AGPS: variants seen among roughly 807,000 people sequenced by gnomAD.
AGPS encodes alkylglycerone phosphate synthase.
In AGPS, 26 loss-of-function variants were observed where a neutral mutation model predicts 90.7. The ratio of observed to expected loss-of-function variants is 0.29; its 90% confidence interval spans 0.21 to 0.40. The LOEUF is 0.40. Ranked by LOEUF, AGPS falls within the 10% of genes least tolerant of loss-of-function variation. The probability of loss-of-function intolerance (pLI) is 1.00; values close to 1 mark genes in which losing one functional copy is unlikely to be tolerated. For missense variants in AGPS, 540 were observed against 816.1 expected, an observed-to-expected ratio of 0.66 and a Z score of 4.12; for synonymous variants, 294 against 285.3, an observed-to-expected ratio of 1.03 and a Z score of -0.31.
At chr2:177,410,379 C>T (rs185280332) in intron 1 of AGPS, among the ~76,000 whole-genome samples, 1 of 152,244 alleles carries the variant, frequency 6.6e-6, no homozygotes, top group African/African-American at 2.4e-5. Flanking sequence ...TAGGTGTTCC[C>T]TCGGAAGTTA....
At chr2:177,394,329 A>T (rs749678277) in intron 1 of AGPS, among the ~76,000 whole-genome samples, 1 of 152,240 alleles carries the variant, frequency 6.6e-6, no homozygotes, top group Non-Finnish European at 1.5e-5. Context: ...TAGTGCAAAG[A>T]TGTTCCAAAG....
rs1041824369 is a variant in AGPS at position 177,417,290 on chromosome 2, A to G, written c.261-2979A>G. Among the ~76,000 whole-genome samples the G allele has an allele frequency of 4.6e-5, 7 of 152,346 alleles. No homozygotes were observed. In the Middle Eastern group the frequency reaches 0.01, roughly 222 times the overall value. On this transcript the variant is annotated intron_variant, in intron 1 of 19. Transcript: ENST00000264167. The stretch of plus-strand genomic sequence containing the variant: ...TGCACAAAACCATTAAAAATATTGT[A>G]TAAAATTACCTTCAGGCTATGTGAT...
intron 2 of AGPS, among the ~76,000 whole-genome samples, chr2:177,434,023 T>TG (rs1686324221): frequency 1.3e-5 from 2 of 152,314 alleles, no homozygotes; most frequent in African/African-American, 4.8e-5. Context: ...AGCTGGGGCC[T>TG]GCCATAAGGC....
intron 1 of AGPS, among the ~76,000 whole-genome samples, chr2:177,396,988 G>C (rs1685196862): frequency 1.4e-5 from 2 of 143,718 alleles, no homozygotes; most frequent in South Asian, 4.4e-4. Context: ...TCCCAGGCTA[G>C]AGTGAAGTGG....
chr2:177,467,885 A>C (rs190414102), intron 9 of AGPS, among the ~76,000 whole-genome samples: 11 of 152,170 alleles, frequency 7.2e-5, no homozygotes, highest in Admixed American at 1.3e-4. Context: ...TCCTTCTCTT[A>C]AGTTCAGTCA....
chr2:177,480,188 T>TA (rs1574402765), intron 10 of AGPS, among the ~76,000 whole-genome samples: 3 of 151,746 alleles, frequency 2.0e-5, no homozygotes, highest in South Asian at 2.1e-4. Context: ...CTCAAAAATT[T>TA]TAAAAAAATA....
At chr2:177,405,680 T>TC (rs1264663848) in intron 1 of AGPS, among the ~76,000 whole-genome samples, 1 of 151,390 alleles carries the variant, frequency 6.6e-6, no homozygotes, top group Non-Finnish European at 1.5e-5. Context: ...GTTGTTTTTT[T>TC]TTTTTTTTCC....
intron 6 of AGPS, chr2:177,441,552 G>T (rs1319017234): frequency 6.5e-6 from 1 of 154,862 alleles, no homozygotes; most frequent in Non-Finnish European, 1.4e-5. Context: ...CAAGCAAATA[G>T]TGGTTACTGA....
At chr2:177,421,994 G>A (rs908392014) in intron 2 of AGPS, among the ~76,000 whole-genome samples, 4 of 152,042 alleles carry the variant, frequency 2.6e-5, no homozygotes, top group South Asian at 2.1e-4. Flanking sequence ...ATGAGAAGGT[G>A]TGTGTGTATG....
At chr2:177,461,780 A>G in intron 8 of AGPS, 113 bp from the exon 9 acceptor site, 2 of 950,610 alleles carry the variant, frequency 2.1e-6, no homozygotes, top group Non-Finnish European at 1.5e-6. Context: ...GTAGGAATTA[A>G]TAAATTCAAA....
At chr2:177,425,270 G>T (rs185334538) in intron 2 of AGPS, among the ~76,000 whole-genome samples, 1 of 152,160 alleles carries the variant, frequency 6.6e-6, no homozygotes, top group Admixed American at 6.5e-5. Flanking sequence ...GTAAGGAAGG[G>T]ATATAGTTTC....
chr2:177,438,060 C>T (rs1686469287), intron 5 of AGPS, among the ~76,000 whole-genome samples: 1 of 152,128 alleles, frequency 6.6e-6, no homozygotes, highest in Admixed American at 6.5e-5. Context: ...TTTTGTTTTG[C>T]TTCCTTGCTT....
At chr2:177,491,958 G>C (rs556776136) in intron 11 of AGPS, among the ~76,000 whole-genome samples, 74 of 151,970 alleles carry the variant, frequency 4.9e-4, no homozygotes, top group African/African-American at 1.7e-3. Context: ...GTTAATTTTT[G>C]TGTTTTTAGT....
chr2:177,521,145 C>A, intron 17 of AGPS, 124 bp from the exon 18 acceptor site: 1 of 867,404 alleles, frequency 1.2e-6, no homozygotes, highest in Non-Finnish European at 1.9e-6. Flanking sequence ...GGAGTAGAGG[C>A]TGGGAAGAAA....
rs533352603 is a variant in AGPS at position 177,513,949 on chromosome 2, A to C, written c.1697+41A>C. On this transcript the variant is annotated intron_variant, in intron 17 of 19. Coordinates refer to ENST00000264167, the MANE Select transcript of AGPS (RefSeq NM_003659.4). ...TGTTCTTATACTTCTTATTCTGAAA[A>C]AAATGTTTTTTTTAATCAAGGGGGG... The C allele has an allele frequency of 1.7e-5, 25 of 1,487,432 alleles. No homozygotes were observed. In the South Asian group the frequency reaches 2.4e-4, roughly 14 times the overall value. The allele number at this position is 1,487,432 out of a possible 1,614,324, so 92.1% of individuals were successfully genotyped here.
rs1394330746 is a variant in AGPS, at chr2:177,420,348, A to T, written c.340A>T (p.Thr114Ser). The change falls in exon 2 of 20, where the codon ACT (threonine) becomes TCT (serine). Residue 114 changes from threonine to serine, a missense_variant. Physicochemically the swap from Thr to Ser is moderately conservative, Grantham distance 58 (BLOSUM62 1). Coordinates refer to ENST00000264167, the MANE Select transcript of AGPS (RefSeq NM_003659.4). The stretch of plus-strand genomic sequence containing the variant: ...CAATAAGAAGGGCCAAATTGAATTG[A>T]CTGGGAAAAGGTAACCCTGGTTTAT... The part of the protein sequence containing the change: ...IFNKKGQIEL[T>S]GKRYPLSGMG... 1.2e-6 allele frequency: 2 copies of T among 1,605,682 alleles called. No individual in the cohort carries two copies. The highest frequency in any genetic ancestry group is 1.3e-5 in the African/African-American group (1 of 74,716).
chr2:177,466,691 C>G (rs913467085), intron 9 of AGPS, among the ~76,000 whole-genome samples: 1 of 152,258 alleles, frequency 6.6e-6, no homozygotes, highest in Non-Finnish European at 1.5e-5. Context: ...CATGCGCACA[C>G]CCGGCTGGGT....
intron 9 of AGPS, 36 bp downstream of exon 9, chr2:177,462,054 T>C: frequency 6.7e-7 from 1 of 1,492,114 alleles, no homozygotes; most frequent in Non-Finnish European, 9.2e-7. Flanking sequence ...AATAATTGAT[T>C]AGTATATAGA....
chr2:177,444,836 A>C (rs16865286), intron 7 of AGPS, among the ~76,000 whole-genome samples: 2 of 152,222 alleles, frequency 1.3e-5, no homozygotes, highest in African/African-American at 4.8e-5. Flanking sequence ...ATGAAAATTC[A>C]TATATGTATA....
Sources: gnomAD v4.1 joint callset for allele counts (sites outside exome capture counted in the v4.1 genomes callset) on GRCh38, gnomAD v4.1.1 for gene constraint, MANE v1.5 for transcripts, NCBI Gene and HGNC (gene_info 2026-07-23, HGNC 2026-07-21) for gene names.